SCAI: variants seen among roughly 807,000 people sequenced by gnomAD.
The protein encoded by SCAI is protein SCAI.
A neutral mutation model predicts 92.2 loss-of-function variants in SCAI; 24 were observed. The observed-to-expected ratio is 0.26, with a 90% CI of 0.19 to 0.37. SCAI has a LOEUF of 0.37. Among genes scored for constraint, SCAI ranks in the 10% least tolerant of loss-of-function variants. SCAI has a pLI of 1.00. For synonymous variants in SCAI, 261 were observed against 258.6 expected (o/e 1.01, Z -0.09); for missense variants, 450 against 736.2 (o/e 0.61, Z 4.50).
chr9:125,067,653 G>A (rs1442086851), intron 2 of SCAI, among the ~76,000 whole-genome samples: 1 of 152,140 alleles, frequency 6.6e-6, no homozygotes, highest in African/African-American at 2.4e-5. Flanking sequence ...AATTTCTGTT[G>A]TTTTAAGCCA....
intron 13 of SCAI, among the ~76,000 whole-genome samples, chr9:124,996,387 G>A (rs1832240622): frequency 6.6e-6 from 1 of 152,040 alleles, no homozygotes; most frequent in African/African-American, 2.4e-5. Context: ...CTGCAGCCTC[G>A]ATCTCCCAGG....
At chr9:125,086,999 A>AATTC (rs1834336261) in intron 2 of SCAI, among the ~76,000 whole-genome samples, 2 of 152,206 alleles carry the variant, frequency 1.3e-5, no homozygotes, top group South Asian at 4.1e-4. Context: ...AGACTAGGAC[A>AATTC]ATTCTGTGAA....
intron 6 of SCAI, among the ~76,000 whole-genome samples, chr9:125,026,191 T>G (rs1013318648): frequency 1.2e-4 from 18 of 152,096 alleles, no homozygotes; most frequent in Non-Finnish European, 2.2e-4. Context: ...GCCAACATGA[T>G]GAAACCCCAT....
At chr9:125,095,481 TAG>T (rs779943183) in intron 2 of SCAI, among the ~76,000 whole-genome samples, 1 of 152,244 alleles carries the variant, frequency 6.6e-6, no homozygotes, top group Non-Finnish European at 1.5e-5. Flanking sequence ...ATCCCTATAA[TAG>T]ATAGTCCTAC....
chr9:125,117,516 A>G (rs888551175), intron 2 of SCAI, among the ~76,000 whole-genome samples: 1 of 151,934 alleles, frequency 6.6e-6, no homozygotes, highest in African/African-American at 2.4e-5. Context: ...AACTACAAAA[A>G]TTAGCTGGGC....
chr9:124,973,919 T>C (rs1831707208), intron 15 of SCAI, among the ~76,000 whole-genome samples: 1 of 152,192 alleles, frequency 6.6e-6, no homozygotes, highest in Admixed American at 6.5e-5. Flanking sequence ...TGGAACACTC[T>C]TGCTCGGTCA....
intron 17 of SCAI, among the ~76,000 whole-genome samples, chr9:124,964,556 A>G (rs1372796180): frequency 6.6e-6 from 1 of 152,102 alleles, no homozygotes; most frequent in East Asian, 1.9e-4. Context: ...GTTCTCTTCC[A>G]TAGTTTTGAT....
chr9:124,974,717 A>T (rs1428953646), intron 15 of SCAI, among the ~76,000 whole-genome samples: 1 of 152,254 alleles, frequency 6.6e-6, no homozygotes, highest in Admixed American at 6.5e-5. Flanking sequence ...GAAACCGGAT[A>T]AAATGTGTGA....
At chr9:125,066,830 T>C (rs1026879816) in intron 2 of SCAI, among the ~76,000 whole-genome samples, 4 of 152,178 alleles carry the variant, frequency 2.6e-5, no homozygotes, top group Non-Finnish European at 5.9e-5. Flanking sequence ...CTGCACCATT[T>C]CTATGTTTAG....
At chr9:125,083,975 A>G (rs1343194637) in intron 2 of SCAI, among the ~76,000 whole-genome samples, 2 of 152,072 alleles carry the variant, frequency 1.3e-5, no homozygotes, top group Non-Finnish European at 2.9e-5. Context: ...GGAGACCTGG[A>G]TGAAATGAAG....
At chr9:124,959,025 C>T (rs1831378543) in intron 17 of SCAI, among the ~76,000 whole-genome samples, 1 of 151,730 alleles carries the variant, frequency 6.6e-6, no homozygotes, top group Admixed American at 6.6e-5. Flanking sequence ...TTCATCGTAG[C>T]TTCAATTTGC....
intron 3 of SCAI, among the ~76,000 whole-genome samples, chr9:125,039,259 C>A (rs370500696): frequency 6.6e-6 from 1 of 151,810 alleles, no homozygotes; most frequent in Non-Finnish European, 1.5e-5. Flanking sequence ...TGGTGGCATG[C>A]GTCTGCAGTC....
intron 17 of SCAI, among the ~76,000 whole-genome samples, chr9:124,962,558 C>T (rs1348657341): frequency 6.6e-6 from 1 of 152,124 alleles, no homozygotes; most frequent in Non-Finnish European, 1.5e-5. Flanking sequence ...GTTTTCATGG[C>T]TGCTAACGTA....
chr9:124,988,680 T>A (rs1173484395), intron 14 of SCAI, among the ~76,000 whole-genome samples: 1 of 151,402 alleles, frequency 6.6e-6, no homozygotes, highest in African/African-American at 2.4e-5. Context: ...GACAAACAAA[T>A]AAAAGACAAC....
intron 2 of SCAI, among the ~76,000 whole-genome samples, chr9:125,071,532 G>C (rs1486454586): frequency 6.6e-6 from 1 of 152,220 alleles, no homozygotes; most frequent in African/African-American, 2.4e-5. Flanking sequence ...AGCCAAAGGA[G>C]TTTTGGCATG....
intron 14 of SCAI, among the ~76,000 whole-genome samples, chr9:124,988,150 T>C (rs914618466): frequency 6.6e-6 from 1 of 151,990 alleles, no homozygotes; most frequent in Non-Finnish European, 1.5e-5. Flanking sequence ...GTGGAATAGT[T>C]GCATCTTCTC....
chr9:125,011,791 G>C (rs1375744421), intron 9 of SCAI, among the ~76,000 whole-genome samples: 1 of 152,180 alleles, frequency 6.6e-6, no homozygotes, highest in Non-Finnish European at 1.5e-5. Context: ...AGAAAGGTCG[G>C]GTTACCACAA....
intron 2 of SCAI, among the ~76,000 whole-genome samples, chr9:125,120,923 C>T (rs547797855): frequency 6.6e-6 from 1 of 151,710 alleles, no homozygotes; most frequent in Non-Finnish European, 1.5e-5. Flanking sequence ...CATTTAGGGA[C>T]TTCCCAGAAA....
At chr9:124,968,451 G>A in intron 17 of SCAI, 1 of 1,005,244 alleles carries the variant, frequency 9.9e-7, no homozygotes, top group African/African-American at 1.6e-5. Flanking sequence ...TCCACTGGAT[G>A]GAGAAGATAA....
Sources: gnomAD v4.1 joint callset for allele counts (sites outside exome capture counted in the v4.1 genomes callset) on GRCh38, gnomAD v4.1.1 for gene constraint, MANE v1.5 for transcripts, NCBI Gene and HGNC (gene_info 2026-07-23, HGNC 2026-07-21) for gene names.